XXYLT1: variants seen among roughly 807,000 people sequenced by gnomAD.
XXYLT1 encodes the protein xyloside xylosyltransferase 1, also known as UDP-xylose:alpha-xyloside alpha-1,3-xylosyltransferase.
XXYLT1 carries 20 observed loss-of-function variants against 28.9 expected under a neutral mutation model. The observed-to-expected ratio is 0.69, with a 90% CI of 0.49 to 1.00. XXYLT1 has a LOEUF of 1.00. XXYLT1 is among the 50% of genes least tolerant of loss of function. The probability of loss-of-function intolerance (pLI) is 0.00; values close to 1 mark genes in which losing one functional copy is unlikely to be tolerated. For missense variants in XXYLT1, 542 were observed against 560.1 expected, an observed-to-expected ratio of 0.97 and a Z score of 0.33; for synonymous variants, 257 against 253.8, an observed-to-expected ratio of 1.01 and a Z score of -0.12.
intron 2 of XXYLT1, among the ~76,000 whole-genome samples, chr3:195,224,351 A>T (rs1723957866): frequency 6.6e-6 from 1 of 152,172 alleles, no homozygotes; most frequent in South Asian, 2.1e-4. Flanking sequence ...TCGACTGCAA[A>T]GCTCTAGCCA....
chr3:195,111,664 C>T (rs188368502), intron 3 of XXYLT1, among the ~76,000 whole-genome samples: 1 of 152,142 alleles, frequency 6.6e-6, no homozygotes, highest in Admixed American at 6.5e-5. Context: ...ATCACTGGCC[C>T]ACCCATCTAC....
intron 3 of XXYLT1, among the ~76,000 whole-genome samples, chr3:195,073,047 T>C (rs1199105423): frequency 6.6e-6 from 1 of 152,178 alleles, no homozygotes; most frequent in Non-Finnish European, 1.5e-5. Flanking sequence ...TCCCTCTCCC[T>C]GGCAGCCCAG....
At chr3:195,073,367 G>A (rs950939758) in intron 3 of XXYLT1, among the ~76,000 whole-genome samples, 3 of 152,202 alleles carry the variant, frequency 2.0e-5, no homozygotes, top group Admixed American at 6.5e-5. Flanking sequence ...GGCTGACAAC[G>A]TATATTCAGG....
intron 3 of XXYLT1, among the ~76,000 whole-genome samples, chr3:195,123,642 TTC>T (rs1421286444): frequency 1.3e-5 from 2 of 152,178 alleles, no homozygotes; most frequent in Non-Finnish European, 1.5e-5. Flanking sequence ...CAGCTGATGG[TTC>T]TGAGACCAAT....
chr3:195,252,139 A>C (rs1327732215), intron 1 of XXYLT1, among the ~76,000 whole-genome samples: 2 of 152,264 alleles, frequency 1.3e-5, no homozygotes, highest in Admixed American at 1.3e-4. Context: ...GAGACTGTTT[A>C]CATAACTGCT....
chr3:195,218,402 C>T (rs1385415235), intron 2 of XXYLT1, among the ~76,000 whole-genome samples: 2 of 152,208 alleles, frequency 1.3e-5, no homozygotes, highest in Non-Finnish European at 2.9e-5. Flanking sequence ...AGAAAATTTT[C>T]GCAACCAACT....
intron 3 of XXYLT1, among the ~76,000 whole-genome samples, chr3:195,146,363 G>A (rs1719847572): frequency 6.6e-6 from 1 of 152,228 alleles, no homozygotes; most frequent in South Asian, 2.1e-4. Flanking sequence ...ATGCGATGAT[G>A]TTTATTTGGC....
intron 3 of XXYLT1, among the ~76,000 whole-genome samples, chr3:195,071,801 A>G (rs1480426700): frequency 6.6e-6 from 1 of 152,172 alleles, no homozygotes; most frequent in African/African-American, 2.4e-5. Context: ...GCACCATGAC[A>G]TCAGAGAGGA....
intron 2 of XXYLT1, chr3:195,184,657 C>T: frequency 1.0e-6 from 1 of 985,400 alleles, no homozygotes; most frequent in Non-Finnish European, 1.2e-6. Flanking sequence ...CTCTTCAGGA[C>T]TCACCGGAGA....
In XXYLT1 at chr3:195,210,663, T is replaced by TA. The variant is rs1723275018; in HGVS notation, c.652+16045dup. 6.6e-6 allele frequency among the ~76,000 whole-genome samples: 1 copy of TA among 152,256 alleles called. No homozygotes were observed. The highest frequency in any genetic ancestry group is 1.5e-5 in the Non-Finnish European group (1 of 68,044). On this transcript the variant is annotated intron_variant, in intron 2 of 3. Transcript: ENST00000310380. This position sits in a 1 kb window ranked among gnomAD's most constrained non-coding sequence, Gnocchi z 4.8. Reference sequence around the variant, plus strand: ...TAGAAAATGGTCTCTACCACGTTACTATTTTTAGCATTTTATGACAAATTT... The same window carrying TA: ...TAGAAAATGGTCTCTACCACGTTACTAATTTTTAGCATTTTATGACAAATTT...
In XXYLT1 at chr3:195,129,489, G is replaced by A. The variant is rs1299814864; in HGVS notation, c.785+26960C>T. On this transcript the variant is annotated intron_variant, in intron 3 of 3. Transcript: ENST00000310380. This position sits in a 1 kb window ranked among gnomAD's most constrained non-coding sequence, Gnocchi z 4.4. ...TCATCTCAATGGACGCATATAGTGC[G>A]GTCTTCTGTGACGGGCTTCTTTCAC... Among the ~76,000 whole-genome samples the A allele has an allele frequency of 4.6e-5, 7 of 152,128 alleles. No individual in the cohort carries two copies. Among genetic ancestry groups the A allele is most frequent in the African/African-American group, 7.2e-5 (3 of 41,424 alleles).
At position 195,133,209 on chromosome 3, in the gene XXYLT1, C is replaced by T. The variant is rs1361492558; in HGVS notation, c.785+23240G>A. ...AAGACGGCTGAAGCCCCAGGTGCCC[C>T]GCCTGCTGAGCAGACAGATGGCTGC... On this transcript the variant is annotated intron_variant, in intron 3 of 3. Transcript: ENST00000310380. The surrounding 1 kb of genome is among the most constrained non-coding windows in gnomAD (Gnocchi z 4.4). Among the ~76,000 whole-genome samples, 2 of 152,212 alleles carry T rather than the reference C, an allele frequency of 1.3e-5. No individual in the cohort carries two copies. The highest frequency in any genetic ancestry group is 2.9e-5 in the Non-Finnish European group (2 of 68,010).
chr3:195,087,528 C>T (rs1334184372), intron 3 of XXYLT1, among the ~76,000 whole-genome samples: 3 of 152,226 alleles, frequency 2.0e-5, no homozygotes, highest in African/African-American at 7.2e-5. Flanking sequence ...GCTCCCTGCA[C>T]GCAGGGCCTG....
chr3:195,084,038 A>C (rs930941525), intron 3 of XXYLT1, among the ~76,000 whole-genome samples: 2 of 152,120 alleles, frequency 1.3e-5, no homozygotes, highest in Admixed American at 1.3e-4. Context: ...AAAAAAAAAA[A>C]AGTGATGTGC....
chr3:195,173,030 C>T lies in XXYLT1; in HGVS notation c.653-16449G>A, dbSNP rs1577107346. Among the ~76,000 whole-genome samples, 1 of 152,034 alleles carries T rather than the reference C, an allele frequency of 6.6e-6. No individual in the cohort carries two copies. The highest frequency in any genetic ancestry group is 1.5e-5 in the Non-Finnish European group (1 of 67,982). On this transcript the variant is annotated intron_variant, in intron 2 of 3. Transcript: ENST00000310380. This position sits in a 1 kb window ranked among gnomAD's most constrained non-coding sequence, Gnocchi z 4.3. Reference sequence around the variant, plus strand: ...GCATTAGAGAGGAGTGGTTTGGCAGCCCCCCGGGGCTGATCGACACCCCTA... The same window carrying T: ...GCATTAGAGAGGAGTGGTTTGGCAGTCCCCCGGGGCTGATCGACACCCCTA...
chr3:195,218,963 C>T (rs1292383328), intron 2 of XXYLT1, among the ~76,000 whole-genome samples: 24 of 151,530 alleles, frequency 1.6e-4, no homozygotes, highest in Non-Finnish European at 2.4e-4. Context: ...GGCACATATA[C>T]ACCATGGAAT....
At chr3:195,118,199 T>A (rs2108608829) in intron 3 of XXYLT1, among the ~76,000 whole-genome samples, 1 of 152,278 alleles carries the variant, frequency 6.6e-6, no homozygotes, top group Admixed American at 6.5e-5. Context: ...TTCTTACTCC[T>A]CCAGTGAGAC....
At chr3:195,238,454 C>G (rs1724644780) in intron 1 of XXYLT1, among the ~76,000 whole-genome samples, 2 of 152,236 alleles carry the variant, frequency 1.3e-5, no homozygotes, top group African/African-American at 4.8e-5. Context: ...ATGGGGCACT[C>G]CTCGTAGGCA....
chr3:195,165,643 A>G (rs527669689), intron 2 of XXYLT1, among the ~76,000 whole-genome samples: 1 of 152,322 alleles, frequency 6.6e-6, no homozygotes, highest in East Asian at 1.9e-4. Context: ...GACAGTTTGC[A>G]AACTGACTAG....
Sources: allele counts gnomAD v4.1 joint callset (sites outside exome capture counted in the v4.1 genomes callset), GRCh38; gene constraint gnomAD v4.1.1; non-coding constraint Gnocchi (gnomAD v3.1); transcripts MANE v1.5; gene names NCBI Gene and HGNC (gene_info 2026-07-23, HGNC 2026-07-21).